P3H2: variants seen among roughly 807,000 people sequenced by gnomAD.
The protein encoded by P3H2 is leprecan-like 1.
P3H2 carries 80 observed loss-of-function variants against 87.0 expected under a neutral mutation model. The ratio of observed to expected loss-of-function variants is 0.92; its 90% confidence interval spans 0.77 to 1.11. The LOEUF (loss-of-function observed/expected upper bound fraction) is 1.11, where lower values mean the gene tolerates loss of function less well. Among genes scored for constraint, P3H2 ranks in the 50% least tolerant of loss-of-function variants. The pLI is 0.00. For missense variants in P3H2, 1,001 were observed against 923.9 expected (o/e 1.08, Z -1.08); for synonymous variants, 367 against 359.3 (o/e 1.02, Z -0.24).
intron 8 of P3H2, 56 bp from the exon 9 acceptor site, chr3:189,974,741 A>T: frequency 1.2e-6 from 2 of 1,607,678 alleles, no homozygotes; most frequent in Non-Finnish European, 1.7e-6. Context: ...GAAAGGAAGC[A>T]CAGAATACCA....
intron 1 of P3H2, among the ~76,000 whole-genome samples, chr3:190,079,341 A>AGAAT (rs1553881582): frequency 9.2e-5 from 13 of 141,958 alleles, no homozygotes; most frequent in African/African-American, 3.4e-4. Context: ...TCTGTCTCAA[A>AGAAT]AAATAAATAA....
intron 1 of P3H2, among the ~76,000 whole-genome samples, chr3:190,067,017 T>A (rs924776924): frequency 1.3e-5 from 2 of 151,192 alleles, no homozygotes; most frequent in African/African-American, 4.9e-5. Context: ...CTTTCTTTTT[T>A]TTTTTTTTGT....
At position 190,066,129 on chromosome 3, in the gene P3H2, A is replaced by G. The variant is rs1726490347; in HGVS notation, c.480+54123T>C. On this transcript the variant is annotated intron_variant, in intron 1 of 14. Coordinates refer to ENST00000319332, the MANE Select transcript of P3H2 (RefSeq NM_018192.4). ...TGTCCATCAATCAACGAGTGGATAA[A>G]GAAACTGTGGTGTGTATATATATAT... 2.0e-5 allele frequency among the ~76,000 whole-genome samples: 3 copies of G among 149,956 alleles called. No individual in the cohort carries two copies. The South Asian group carries it at 6.3e-4, about 31-fold the overall frequency.
intron 13 of P3H2, among the ~76,000 whole-genome samples, chr3:189,968,300 T>A (rs1182536903): frequency 1.3e-5 from 2 of 152,156 alleles, no homozygotes; most frequent in African/African-American, 4.8e-5. Flanking sequence ...CGTGTCCATG[T>A]GTTCTCATTG....
At chr3:189,966,610 G>A (rs964380604) in intron 13 of P3H2, among the ~76,000 whole-genome samples, 9 of 152,172 alleles carry the variant, frequency 5.9e-5, no homozygotes, top group African/African-American at 1.9e-4. Flanking sequence ...GCAAAAATAT[G>A]TTATGAAGTT....
intron 1 of P3H2, among the ~76,000 whole-genome samples, chr3:189,996,876 C>A (rs1158182312): frequency 6.6e-6 from 1 of 152,194 alleles, no homozygotes; most frequent in Non-Finnish European, 1.5e-5. Flanking sequence ...AAACTTACAA[C>A]TTTGATTCTC....
chr3:189,987,155 C>G (rs2108918692), intron 5 of P3H2, among the ~76,000 whole-genome samples: 1 of 152,318 alleles, frequency 6.6e-6, no homozygotes, highest in Middle Eastern at 3.4e-3. Context: ...TTTATCAACT[C>G]TCCCCCGAAC....
At chr3:190,066,751 T>C (rs1405943369) in intron 1 of P3H2, among the ~76,000 whole-genome samples, 1 of 152,176 alleles carries the variant, frequency 6.6e-6, no homozygotes, top group African/African-American at 2.4e-5. Flanking sequence ...CCAAATTTCT[T>C]ACTATGTCAT....
intron 1 of P3H2, among the ~76,000 whole-genome samples, chr3:190,067,843 T>C (rs576642166): frequency 6.6e-6 from 1 of 152,170 alleles, no homozygotes; most frequent in Non-Finnish European, 1.5e-5. Context: ...ATTATTTACA[T>C]AATACATGCA....
At position 189,986,781 on chromosome 3, in the gene P3H2, C is replaced by G. The variant is rs868074063; in HGVS notation, c.1188+7G>C. ...TATTTTAATAAACGTTTCCTCTTTC[C>G]TCTTACCGGTTCAGTGTATGAAAAC... On this transcript the variant is annotated splice_region_variant and intron_variant, in intron 6 of 14. Coordinates refer to ENST00000319332, the MANE Select transcript of P3H2 (RefSeq NM_018192.4). 2.5e-6 allele frequency: 4 copies of G among 1,574,572 alleles called. No homozygotes were observed. In the African/African-American group the frequency reaches 5.4e-5, roughly 21 times the overall value.
chr3:190,076,815 T>C (rs1344756469), intron 1 of P3H2, among the ~76,000 whole-genome samples: 1 of 152,186 alleles, frequency 6.6e-6, no homozygotes, highest in Non-Finnish European at 1.5e-5. Context: ...GCAAAAAGTC[T>C]AGACTCTAAC....
At chr3:190,010,731 T>G (rs1392542831) in intron 1 of P3H2, among the ~76,000 whole-genome samples, 1 of 152,216 alleles carries the variant, frequency 6.6e-6, no homozygotes, top group Admixed American at 6.5e-5. Context: ...ATGGCTGCCC[T>G]AGCAAACTAA....
Position 189,957,578 on chromosome 3 carries a change from TCCCCGGGAGGCTTG to T in P3H2, c.*320_*333del, listed in dbSNP as rs1446477576. The T allele has an allele frequency of 2.5e-6, 1 of 399,212 alleles. No homozygotes were observed. 24.7% of individuals were successfully genotyped at this position (399,212 alleles called of 1,614,324 possible). A position where few individuals can be genotyped will look rare whatever the true frequency, so the allele number is the denominator to read the frequency against. On this transcript the variant is annotated 3_prime_UTR_variant, in exon 15 of 15. Transcript: ENST00000319332. Reference sequence around the variant, plus strand: ...GGTGGCACGTGCCTGTGGTCCCAGCTCCCCGGGAGGCTTGAAGGATCGCCTGAGCCTAAGAGTTT... The same window carrying T: ...GGTGGCACGTGCCTGTGGTCCCAGCTAAGGATCGCCTGAGCCTAAGAGTTT...
chr3:190,050,624 T>A (rs966973230), intron 1 of P3H2, among the ~76,000 whole-genome samples: 6 of 152,134 alleles, frequency 3.9e-5, no homozygotes, highest in African/African-American at 1.4e-4. Context: ...TCTATATCTG[T>A]ATGATCATTT....
chr3:190,104,696 CG>C (rs66986166), intron 1 of P3H2, among the ~76,000 whole-genome samples: 19,810 of 152,062 alleles, frequency 0.13, 1,348 homozygotes, highest in Non-Finnish European at 0.15. Context: ...ATTCCTAGCA[CG>C]GATGTCCTGA....
intron 1 of P3H2, among the ~76,000 whole-genome samples, chr3:190,070,840 CATTA>C (rs1726675499): frequency 6.6e-6 from 1 of 152,194 alleles, no homozygotes; most frequent in Non-Finnish European, 1.5e-5. Context: ...GCTCACACTT[CATTA>C]ACTCCTGTTC....
chr3:190,015,096 C>T (rs1724709733), intron 1 of P3H2, among the ~76,000 whole-genome samples: 1 of 152,124 alleles, frequency 6.6e-6, no homozygotes, highest in African/African-American at 2.4e-5. Flanking sequence ...CTCACTGCAA[C>T]CGGCAACTCC....
chr3:190,012,751 T>G (rs1453614192), intron 1 of P3H2, among the ~76,000 whole-genome samples: 1 of 152,178 alleles, frequency 6.6e-6, no homozygotes, highest in Non-Finnish European at 1.5e-5. Context: ...TCTCTGGTAG[T>G]ATTATAATCA....
chr3:190,018,647 T>C (rs939471589), intron 1 of P3H2, among the ~76,000 whole-genome samples: 18 of 152,250 alleles, frequency 1.2e-4, no homozygotes, highest in African/African-American at 4.1e-4. Context: ...AATTTGAGGT[T>C]GCAATGAGCT....
Sources: allele counts gnomAD v4.1 joint callset (sites outside exome capture counted in the v4.1 genomes callset), GRCh38; gene constraint gnomAD v4.1.1; transcripts MANE v1.5; gene names NCBI Gene and HGNC (gene_info 2026-07-23, HGNC 2026-07-21).